Variants in TRPC4 observed in about 807,000 individuals in gnomAD.
TRPC4 encodes short transient receptor potential channel 4.
TRPC4 carries 49 observed loss-of-function variants against 99.4 expected under a neutral mutation model. The ratio of observed to expected loss-of-function variants is 0.49; its 90% CI spans 0.39 to 0.63. The LOEUF (loss-of-function observed/expected upper bound fraction) is 0.63, where lower values mean the gene tolerates loss of function less well. Among genes scored for constraint, TRPC4 ranks in the 20% least tolerant of loss-of-function variants. The probability of loss-of-function intolerance (pLI) is 0.00; values close to 1 mark genes in which losing one functional copy is unlikely to be tolerated. For synonymous variants in TRPC4, 454 were observed against 425.9 expected (o/e 1.07, Z -0.81); for missense variants, 898 against 1,152.9 (o/e 0.78, Z 3.20).
chr13:37,798,180 T>C (rs1321218298), intron 1 of TRPC4, among the ~76,000 whole-genome samples: 2 of 152,162 alleles, frequency 1.3e-5, no homozygotes, highest in Admixed American at 6.6e-5. Context: ...TAATTCAAGT[T>C]TCCTCTCATT....
chr13:37,802,162 CA>C (rs1325558442), intron 1 of TRPC4, among the ~76,000 whole-genome samples: 2 of 152,054 alleles, frequency 1.3e-5, no homozygotes, highest in Non-Finnish European at 2.9e-5. Flanking sequence ...AAAAACCATA[CA>C]GAGAGTTTCC....
At chr13:37,731,083 A>G (rs1304869914) in intron 3 of TRPC4, among the ~76,000 whole-genome samples, 1 of 152,078 alleles carries the variant, frequency 6.6e-6, no homozygotes. Context: ...ATTTTGTATA[A>G]AAATGAGATA....
At chr13:37,862,587 T>C (rs922937036) in intron 1 of TRPC4, among the ~76,000 whole-genome samples, 2 of 151,762 alleles carry the variant, frequency 1.3e-5, no homozygotes, top group African/African-American at 4.8e-5. Context: ...CTCATTGTAA[T>C]ATAATTTATG....
At position 37,637,249 on chromosome 13, in the gene TRPC4, T is replaced by C; in HGVS notation, c.2588A>G (p.Gln863Arg). 6.2e-7 allele frequency: 1 copy of C among 1,613,944 alleles called. No individual in the cohort carries two copies. The highest frequency in any genetic ancestry group is 8.5e-7 in the Non-Finnish European group (1 of 1,179,884). The change falls in exon 11 of 11, where the codon CAA (glutamine) becomes CGA (arginine). Residue 863 changes from glutamine to arginine, a missense_variant. Physicochemically the swap from Gln to Arg is conservative, Grantham distance 43. Around this residue, in one of 3 missense-constraint regions of TRPC4, gnomAD observed 346 missense variants for 351.4 expected, o/e 0.98. Transcript: ENST00000379705. ...AACTTCTTCTGAAACAGAGAAGATT[T>C]GGTTTGCATTTTGCTCAGCAGCATT... Reference protein sequence around the residue: ...KQNAAEQNANQIFSVSEEVAR... With the variant: ...KQNAAEQNANRIFSVSEEVAR...
At chr13:37,640,234 TGA>T (rs1951676335) in intron 8 of TRPC4, among the ~76,000 whole-genome samples, 1 of 152,074 alleles carries the variant, frequency 6.6e-6, no homozygotes, top group Non-Finnish European at 1.5e-5. Flanking sequence ...GCAAAAGGGA[TGA>T]TATACCTTGG....
At chr13:37,681,892 G>A (rs1042124237) in intron 4 of TRPC4, among the ~76,000 whole-genome samples, 1 of 152,198 alleles carries the variant, frequency 6.6e-6, no homozygotes. Context: ...GTGCAAATGA[G>A]TCAGAGAACT....
At chr13:37,834,168 A>C (rs772853635) in intron 1 of TRPC4, among the ~76,000 whole-genome samples, 1 of 151,854 alleles carries the variant, frequency 6.6e-6, no homozygotes, top group African/African-American at 2.4e-5. Flanking sequence ...CACTTAAAAC[A>C]TAAACACTGT....
At chr13:37,756,218 T>C (rs796459520) in intron 2 of TRPC4, among the ~76,000 whole-genome samples, 16 of 152,292 alleles carry the variant, frequency 1.1e-4, no homozygotes, top group African/African-American at 3.8e-4. Context: ...AAACTACTTA[T>C]ACAAAAGCAA....
At chr13:37,833,184 G>T (rs990807268) in intron 1 of TRPC4, among the ~76,000 whole-genome samples, 1 of 151,570 alleles carries the variant, frequency 6.6e-6, no homozygotes, top group Admixed American at 6.6e-5. Flanking sequence ...TATGTTTCTG[G>T]CATGCATTCT....
chr13:37,829,602 A>T (rs1958352543), intron 1 of TRPC4, among the ~76,000 whole-genome samples: 1 of 152,238 alleles, frequency 6.6e-6, no homozygotes, highest in African/African-American at 2.4e-5. Flanking sequence ...CAAAAAAATT[A>T]AACATAGAAT....
At chr13:37,772,238 C>T (rs1288913712) in intron 2 of TRPC4, among the ~76,000 whole-genome samples, 1 of 151,760 alleles carries the variant, frequency 6.6e-6, no homozygotes, top group Non-Finnish European at 1.5e-5. Context: ...ATTGGGGCTA[C>T]TACATCTATT....
At chr13:37,838,748 T>G (rs537420357) in intron 1 of TRPC4, among the ~76,000 whole-genome samples, 1 of 152,302 alleles carries the variant, frequency 6.6e-6, no homozygotes, top group South Asian at 2.1e-4. Flanking sequence ...TTCTTACTCT[T>G]GTATAGAGAG....
intron 2 of TRPC4, among the ~76,000 whole-genome samples, chr13:37,760,765 G>A (rs1317572406): frequency 6.6e-6 from 1 of 152,026 alleles, no homozygotes; most frequent in South Asian, 2.1e-4. Context: ...TATTTTATAT[G>A]TGGCCCAAGA....
In TRPC4 at chr13:37,743,219, C is replaced by T. The variant is rs192497728; in HGVS notation, c.897+2718G>A. On this transcript the variant is annotated intron_variant, in intron 3 of 10. Transcript: ENST00000379705. ...AAGAAAAGTGTCTTTTAAAAAATAG[C>T]ACCAATTCTTATTTTTTTGTTACAT... Among the ~76,000 whole-genome samples the T allele has an allele frequency of 7.2e-5, 11 of 152,180 alleles. No homozygotes were observed. In the East Asian group the frequency reaches 9.7e-4, roughly 13 times the overall value.
chr13:37,681,560 C>T (rs976109838), intron 4 of TRPC4, among the ~76,000 whole-genome samples: 4 of 151,842 alleles, frequency 2.6e-5, no homozygotes, highest in Non-Finnish European at 1.5e-5. Context: ...AGCATGGTAG[C>T]GAAATGGCCA....
chr13:37,762,767 A>G (rs1593684679), intron 2 of TRPC4, among the ~76,000 whole-genome samples: 2 of 148,836 alleles, frequency 1.3e-5, no homozygotes, highest in Admixed American at 1.3e-4. Flanking sequence ...ACCTAATGCT[A>G]AATGATGAGT....
intron 1 of TRPC4, among the ~76,000 whole-genome samples, chr13:37,868,299 T>TTC (rs1555287266): frequency 6.6e-6 from 1 of 151,270 alleles, no homozygotes; most frequent in Non-Finnish European, 1.5e-5. Context: ...TTGTTTTTTT[T>TTC]CCCCCCTTAA....
intron 1 of TRPC4, among the ~76,000 whole-genome samples, chr13:37,800,806 C>G (rs1957381928): frequency 6.6e-6 from 1 of 151,634 alleles, no homozygotes; most frequent in African/African-American, 2.4e-5. Flanking sequence ...AATATTGATG[C>G]TATAGACTTT....
chr13:37,705,882 C>A (rs1954257955), intron 3 of TRPC4, among the ~76,000 whole-genome samples: 2 of 152,252 alleles, frequency 1.3e-5, no homozygotes, highest in South Asian at 4.1e-4. Flanking sequence ...GCCTTCCTCA[C>A]CGTTACAGGT....
Sources: allele counts gnomAD v4.1 joint callset (sites outside exome capture counted in the v4.1 genomes callset), GRCh38; gene constraint gnomAD v4.1.1; regional missense constraint gnomAD v4.1.1; transcripts MANE v1.5; gene names NCBI Gene and HGNC (gene_info 2026-07-23, HGNC 2026-07-21).